MAP3K13: variants seen among roughly 807,000 people sequenced by gnomAD.
MAP3K13 encodes the protein leucine zipper-bearing kinase.
Under a neutral mutation model 104.0 loss-of-function variants are expected in MAP3K13, and 52 were observed. The observed-to-expected ratio is 0.50, with a 90% CI of 0.40 to 0.63. MAP3K13 has a LOEUF of 0.63. Among genes scored for constraint, MAP3K13 ranks in the 20% least tolerant of loss-of-function variants. The probability of loss-of-function intolerance (pLI) is 0.00; values close to 1 mark genes in which losing one functional copy is unlikely to be tolerated. For missense variants in MAP3K13, 914 were observed against 1,218.5 expected (o/e 0.75, Z 3.72); for synonymous variants, 394 against 442.2 (o/e 0.89, Z 1.37).
chr3:185,480,462 G>A lies in MAP3K13; in HGVS notation c.2732G>A (p.Cys911Tyr). Residue 911 changes from cysteine to tyrosine, a missense_variant, in exon 13 of 14, where the codon TGT becomes TAT. By Grantham distance (194) the Cys-to-Tyr change is radical (BLOSUM62 -2). This residue lies in a region of MAP3K13 where 583 missense variants were observed against 737.4 expected (regional missense o/e 0.79). Transcript: ENST00000265026. ...TCGGATGGGCTCTCTGACAAGGAGT[G>A]TGCCGTGCGCCGTGTGAAGACTCAG... is the stretch of plus-strand genomic sequence containing the variant. ...SHSDGLSDKECAVRRVKTQMS... is the reference protein window; with the variant it reads ...SHSDGLSDKEYAVRRVKTQMS... The A allele has an allele frequency of 6.2e-7, 1 of 1,614,208 alleles. No individual in the cohort carries two copies. The highest frequency in any genetic ancestry group is 8.5e-7 in the Non-Finnish European group (1 of 1,180,038).
chr3:185,284,047 C>A (rs1209923465), intron 1 of MAP3K13, among the ~76,000 whole-genome samples: 1 of 151,606 alleles, frequency 6.6e-6, no homozygotes, highest in Non-Finnish European at 1.5e-5. Context: ...TACAGGCACG[C>A]GCCACCACCC....
intron 2 of MAP3K13, among the ~76,000 whole-genome samples, chr3:185,357,413 A>G (rs1560063210): frequency 7.0e-6 from 1 of 143,806 alleles, no homozygotes; most frequent in Non-Finnish European, 1.5e-5. Flanking sequence ...GCGCCATTGC[A>G]CTCCAGCCTG....
At position 185,418,107 on chromosome 3, in the gene MAP3K13, G is replaced by A; in HGVS notation, c.-85-10390G>A. On this transcript the variant is annotated intron_variant, in intron 1 of 13. Coordinates refer to ENST00000265026, the MANE Select transcript of MAP3K13 (RefSeq NM_004721.5). This position sits in a 1 kb window ranked among gnomAD's most constrained non-coding sequence, Gnocchi z 4.5. ...TTACATTAAGCAGAGTAATTCCAGG[G>A]ATGTTTCTGAAGGCCTTGATGATAC... is the stretch of plus-strand genomic sequence containing the variant. The A allele has an allele frequency of 1.2e-6, 2 of 1,610,952 alleles. No individual in the cohort carries two copies. Among genetic ancestry groups the A allele is most frequent in the Admixed American group, 1.7e-5 (1 of 60,016 alleles).
chr3:185,382,747 G>T (rs564819846), intron 1 of MAP3K13, among the ~76,000 whole-genome samples: 2 of 152,264 alleles, frequency 1.3e-5, no homozygotes, highest in South Asian at 4.1e-4. Flanking sequence ...GCTCATGCCT[G>T]TAATCCCAGC....
At chr3:185,378,003 G>GA (rs1333503844) in intron 1 of MAP3K13, among the ~76,000 whole-genome samples, 1 of 152,120 alleles carries the variant, frequency 6.6e-6, no homozygotes, top group Non-Finnish European at 1.5e-5. Context: ...CAAGCTCCTG[G>GA]GGTGGGGGGA....
chr3:185,316,183 ACTCC>A (rs750532333), intron 2 of MAP3K13, among the ~76,000 whole-genome samples: 1 of 151,940 alleles, frequency 6.6e-6, no homozygotes, highest in Non-Finnish European at 1.5e-5. Flanking sequence ...TTGAAATTCC[ACTCC>A]CCACCTCCTG....
chr3:185,446,247 A>C (rs372304974), intron 4 of MAP3K13, among the ~76,000 whole-genome samples: 7 of 150,872 alleles, frequency 4.6e-5, no homozygotes, highest in East Asian at 3.9e-4. Flanking sequence ...TTGAGGATGA[A>C]GCCTCTTATC....
At chr3:185,314,910 G>A (rs930475301) in intron 2 of MAP3K13, among the ~76,000 whole-genome samples, 6 of 152,058 alleles carry the variant, frequency 3.9e-5, no homozygotes, top group Admixed American at 1.3e-4. Flanking sequence ...CATAGCACTT[G>A]GATTACAAGT....
At position 185,429,009 on chromosome 3, in the gene MAP3K13, A is replaced by T; in HGVS notation, c.428A>T (p.Asn143Ile). ...GLFGCLRPVW[N>I]IIGKAYSTDY... Reference sequence around the variant, plus strand: ...TTTGGATGCTTAAGGCCTGTATGGAATATCATTGGGAAGGCATATTCCACT... The same window carrying T: ...TTTGGATGCTTAAGGCCTGTATGGATTATCATTGGGAAGGCATATTCCACT... Residue 143 changes from asparagine (N) to isoleucine (I), a missense_variant, in exon 2 of 14, where the codon AAT becomes ATT. Physicochemically the swap from Asn to Ile is moderately radical, Grantham distance 149 (BLOSUM62 -3). Around this residue, in one of 3 missense-constraint regions of MAP3K13, gnomAD observed 175 missense variants for 321.3 expected, o/e 0.54. Transcript: ENST00000265026. 1 of 1,614,168 alleles carries T rather than the reference A, an allele frequency of 6.2e-7. No individual in the cohort carries two copies. The highest frequency in any genetic ancestry group is 8.5e-7 in the Non-Finnish European group (1 of 1,180,026).
chr3:185,330,256 TA>T (rs1374630264), intron 2 of MAP3K13, among the ~76,000 whole-genome samples: 1 of 151,964 alleles, frequency 6.6e-6, no homozygotes, highest in Admixed American at 6.6e-5. Context: ...ATTATTTATA[TA>T]GACGTTCACT....
At chr3:185,465,944 C>A in intron 9 of MAP3K13, 81 bp downstream of exon 9, 1 of 985,432 alleles carries the variant, frequency 1.0e-6, no homozygotes, top group Non-Finnish European at 1.6e-6. Flanking sequence ...CATGTTGCTG[C>A]TACTCAGAAC....
chr3:185,380,295 G>T (rs148823215), intron 1 of MAP3K13, among the ~76,000 whole-genome samples: 1 of 151,126 alleles, frequency 6.6e-6, no homozygotes, highest in African/African-American at 2.4e-5. Context: ...GGAGGATCAC[G>T]AGGTTAAGAG....
chr3:185,390,242 C>T lies in MAP3K13; in HGVS notation c.-86+26874C>T, dbSNP rs144720259. Among the ~76,000 whole-genome samples the T allele has an allele frequency of 3.8e-3, 577 of 152,254 alleles. 4 individuals carry two copies. Among genetic ancestry groups the T allele is most frequent in the African/African-American group, 0.013 (543 of 41,548 alleles). ...TTTAGTGTGTGCCAGACACTGTTCA[C>T]AGTGCTTTACATATTTAATTCTCAC... On this transcript the variant is annotated intron_variant, in intron 1 of 13. Coordinates refer to ENST00000265026, the MANE Select transcript of MAP3K13 (RefSeq NM_004721.5).
chr3:185,389,703 A>G (rs901729340), intron 1 of MAP3K13, among the ~76,000 whole-genome samples: 1 of 151,870 alleles, frequency 6.6e-6, no homozygotes, highest in Non-Finnish European at 1.5e-5. Flanking sequence ...GGACCGATAA[A>G]AAAAAAAAAT....
In MAP3K13 at chr3:185,454,716, G is replaced by T. The variant is rs1292477626; in HGVS notation, c.1278+3321G>T. Among the ~76,000 whole-genome samples, 32 of 13,302 alleles carry T rather than the reference G, an allele frequency of 2.4e-3. 8 individuals are homozygous for T. The highest frequency in any genetic ancestry group is 1.0e-2 in the East Asian group (6 of 602). The allele number at this position is 13,302 out of a possible 152,430, so 8.7% of individuals were successfully genotyped here. On this transcript the variant is annotated intron_variant, in intron 7 of 13. Coordinates refer to ENST00000265026, the MANE Select transcript of MAP3K13 (RefSeq NM_004721.5). ...TATGAGATATATATATCATATATGA[G>T]ATATATATGATATATATGATATATA...
rs535628134 is a variant in MAP3K13 at position 185,463,976 on chromosome 3, T to C, written c.1388+317T>C. ...TAAGATTTAGTCCCTGGCTTCAAGA[T>C]GCTTATAATCTATTAAGAGATATAA... On this transcript the variant is annotated intron_variant, in intron 8 of 13. Coordinates refer to ENST00000265026, the MANE Select transcript of MAP3K13 (RefSeq NM_004721.5). Among the ~76,000 whole-genome samples the C allele has an allele frequency of 4.6e-5, 7 of 152,318 alleles. No homozygotes were observed. The South Asian group carries it at 6.2e-4, about 14-fold the overall frequency.
At chr3:185,347,301 T>C (rs768010724) in intron 2 of MAP3K13, among the ~76,000 whole-genome samples, 3 of 152,084 alleles carry the variant, frequency 2.0e-5, no homozygotes, top group East Asian at 1.9e-4. Flanking sequence ...TGCTTTTATA[T>C]ATTGGACAGA....
At chr3:185,328,889 A>G (rs1028771375) in intron 2 of MAP3K13, 2 of 254,200 alleles carry the variant, frequency 7.9e-6, no homozygotes, top group Admixed American at 4.6e-5. Context: ...GAAGGGAGCA[A>G]AGTTTAGTTT....
At chr3:185,400,905 G>GTTTTTTTTTTTTT (rs71164506) in intron 1 of MAP3K13, among the ~76,000 whole-genome samples, 56 of 107,270 alleles carry the variant, frequency 5.2e-4, no homozygotes, top group South Asian at 9.7e-4. Flanking sequence ...GTGTTTGTTT[G>GTTTTTTTTTTTTT]TTTTTTTTTT....
Sources: gnomAD v4.1 joint callset for allele counts (sites outside exome capture counted in the v4.1 genomes callset) on GRCh38, gnomAD v4.1.1 for gene constraint, gnomAD v4.1.1 regional missense constraint, Gnocchi (gnomAD v3.1) non-coding constraint, MANE v1.5 for transcripts, NCBI Gene and HGNC (gene_info 2026-07-23, HGNC 2026-07-21) for gene names.